OSBPL10: variants seen among roughly 807,000 people sequenced by gnomAD.
OSBPL10 encodes the protein oxysterol binding protein like 10, also known as oxysterol-binding protein-related protein 10.
A neutral mutation model predicts 81.7 loss-of-function variants in OSBPL10; 49 were observed. The observed-to-expected ratio is 0.60, with a 90% CI of 0.48 to 0.76. OSBPL10 has a LOEUF of 0.76. OSBPL10 is among the 30% of genes least tolerant of loss of function. OSBPL10 has a pLI of 0.00. For synonymous variants in OSBPL10, 419 were observed against 383.6 expected (o/e 1.09, Z -1.08); for missense variants, 923 against 987.8 (o/e 0.93, Z 0.88).
intron 1 of OSBPL10, among the ~76,000 whole-genome samples, chr3:31,963,289 T>G (rs940524991): frequency 6.6e-6 from 1 of 152,102 alleles, no homozygotes; most frequent in Admixed American, 6.6e-5. Context: ...ATATAAAGTG[T>G]TTCCTCAACC....
chr3:31,923,742 G>A (rs1404300609), intron 1 of OSBPL10, among the ~76,000 whole-genome samples: 1 of 152,138 alleles, frequency 6.6e-6, no homozygotes, highest in East Asian at 1.9e-4. Flanking sequence ...AGTTATGATT[G>A]TGCCATTGCA....
At chr3:31,920,339 C>A (rs1696875144) in intron 1 of OSBPL10, among the ~76,000 whole-genome samples, 1 of 151,996 alleles carries the variant, frequency 6.6e-6, no homozygotes, top group South Asian at 2.1e-4. Context: ...GTCAGGGGAT[C>A]CTAGGAAAGA....
intron 4 of OSBPL10, among the ~76,000 whole-genome samples, chr3:31,788,519 T>TA (rs1283706408): frequency 6.6e-6 from 1 of 152,178 alleles, no homozygotes; most frequent in African/African-American, 2.4e-5. Context: ...CCTGGAAGAC[T>TA]AAAAATCACA....
rs1306777444 is a variant in OSBPL10 at position 31,687,943 on chromosome 3, G to A, written c.1246-3829C>T. ...AATAATAATTTTTTTAAAAGAAGTG[G>A]GCAAAGGAGATCAAATGGGCAAGAG... On this transcript the variant is annotated intron_variant, in intron 7 of 11. Coordinates refer to ENST00000396556, the MANE Select transcript of OSBPL10 (RefSeq NM_017784.5). Among the ~76,000 whole-genome samples, 5 of 141,870 alleles carry A rather than the reference G, an allele frequency of 3.5e-5. 1 individual carries two copies. The highest frequency in any genetic ancestry group is 1.5e-4 in the African/African-American group (5 of 33,814). 93.1% of individuals were successfully genotyped at this position (141,870 alleles called of 152,430 possible).
chr3:31,781,502 T>C (rs1698694585), intron 4 of OSBPL10, among the ~76,000 whole-genome samples: 1 of 152,094 alleles, frequency 6.6e-6, no homozygotes, highest in Non-Finnish European at 1.5e-5. Context: ...GTATCCAAAT[T>C]GGTAAAGAGG....
At chr3:31,710,656 A>G (rs1403950933) in intron 6 of OSBPL10, 10 of 152,434 alleles carry the variant, frequency 6.6e-5, no homozygotes, top group African/African-American at 2.2e-4. Flanking sequence ...CAGAGATAGT[A>G]TCCCAGCAAC....
intron 4 of OSBPL10, among the ~76,000 whole-genome samples, chr3:31,769,663 C>A (rs112396539): frequency 0.027 from 4,038 of 151,178 alleles, 188 homozygotes; most frequent in African/African-American, 0.092. Context: ...GTGCAGACTA[C>A]AGGATTTGGG....
intron 5 of OSBPL10, among the ~76,000 whole-genome samples, chr3:31,745,795 A>T (rs1354997931): frequency 3.9e-5 from 6 of 152,236 alleles, no homozygotes; most frequent in Non-Finnish European, 2.9e-5. Flanking sequence ...CAAGTTCAGT[A>T]AATGATGGTG....
At chr3:31,857,807 A>G (rs1559494195) in intron 3 of OSBPL10, among the ~76,000 whole-genome samples, 24 of 1,930 alleles carry the variant, frequency 0.012, no homozygotes, top group East Asian at 0.037. Context: ...AGAAAGGGAG[A>G]GAGAGAGAAA....
At chr3:31,795,542 G>A (rs1471851023) in intron 4 of OSBPL10, 1 of 186,214 alleles carries the variant, frequency 5.4e-6, no homozygotes, top group Non-Finnish European at 1.2e-5. Context: ...AAATCCTTTA[G>A]CAAATGTAAT....
At chr3:32,067,532 G>T (rs1699789114) in intron 1 of OSBPL10, among the ~76,000 whole-genome samples, 1 of 152,128 alleles carries the variant, frequency 6.6e-6, no homozygotes, top group Admixed American at 6.5e-5. Flanking sequence ...ACATCCAGAT[G>T]GCCTGAAGCA....
In OSBPL10 at chr3:32,065,114, G is replaced by T. The variant is rs1699768722; in HGVS notation, n.185+12282C>A. 2 of 92,928 alleles carry T rather than the reference G, an allele frequency of 2.2e-5. 1 individual carries two copies. The highest frequency in any genetic ancestry group is 5.5e-5 in the African/African-American group (2 of 36,118). The allele number at this position is 92,928 out of a possible 1,614,324, so 5.8% of individuals were successfully genotyped here. On this transcript the variant is annotated intron_variant and non_coding_transcript_variant, in intron 1 of 3. Transcript: ENST00000479173. ...TTTCTAAAAGTGTTCAATTCTGACT[G>T]TTTCATTTCACTGGATATGATGGCT...
At chr3:31,912,376 C>T (rs925010866) in intron 1 of OSBPL10, among the ~76,000 whole-genome samples, 5 of 139,530 alleles carry the variant, frequency 3.6e-5, no homozygotes, top group African/African-American at 1.4e-4. Flanking sequence ...GCCTGGGCGA[C>T]AGGGCGAGAC....
intron 2 of OSBPL10, among the ~76,000 whole-genome samples, chr3:32,018,769 CAACTGTGTCCATT>C (rs1699336839): frequency 1.3e-5 from 2 of 151,998 alleles, no homozygotes; most frequent in South Asian, 4.2e-4. Context: ...GGAGTCTGGC[CAACTGTGTCCATT>C]AAACACACCA....
chr3:31,875,928 C>T (rs1380517608), intron 3 of OSBPL10, among the ~76,000 whole-genome samples: 1 of 152,122 alleles, frequency 6.6e-6, no homozygotes, highest in Non-Finnish European at 1.5e-5. Context: ...TCCTGCACAC[C>T]TAACACAAGA....
intron 8 of OSBPL10, among the ~76,000 whole-genome samples, chr3:31,671,320 A>G (rs188708013): frequency 6.6e-6 from 1 of 152,338 alleles, no homozygotes; most frequent in East Asian, 1.9e-4. Context: ...CTGACCTGGT[A>G]AGGGAAGGTT....
chr3:31,929,780 T>C (rs1697182512), intron 1 of OSBPL10, among the ~76,000 whole-genome samples: 1 of 147,286 alleles, frequency 6.8e-6, no homozygotes, highest in African/African-American at 2.5e-5. Context: ...AAAATAAAGC[T>C]CTTACTAAGT....
chr3:31,955,033 G>A (rs1323058490), intron 1 of OSBPL10, among the ~76,000 whole-genome samples: 1 of 152,160 alleles, frequency 6.6e-6, no homozygotes, highest in Admixed American at 6.5e-5. Flanking sequence ...ATAAAATGAG[G>A]GAGGGGGCAG....
At chr3:32,067,251 T>C (rs1699787266) in intron 1 of OSBPL10, among the ~76,000 whole-genome samples, 1 of 152,200 alleles carries the variant, frequency 6.6e-6, no homozygotes, top group African/African-American at 2.4e-5. Flanking sequence ...TTTGACAGTC[T>C]CAATTCTAAG....
Sources: allele counts gnomAD v4.1 joint callset (sites outside exome capture counted in the v4.1 genomes callset), GRCh38; gene constraint gnomAD v4.1.1; transcripts MANE v1.5; gene names NCBI Gene and HGNC (gene_info 2026-07-23, HGNC 2026-07-21).